Variants in SUGCT observed in about 807,000 individuals in gnomAD.
The protein encoded by SUGCT is succinyl-CoA:glutarate CoA-transferase.
SUGCT carries 41 observed loss-of-function variants against 55.0 expected under a neutral mutation model. The ratio of observed to expected loss-of-function variants is 0.74; its 90% CI spans 0.58 to 0.97. The LOEUF is 0.97. Among genes scored for constraint, SUGCT ranks in the 50% least tolerant of loss-of-function variants. The pLI is 0.00. For synonymous variants in SUGCT, 187 were observed against 200.4 expected (o/e 0.93, Z 0.56); for missense variants, 568 against 547.8 (o/e 1.04, Z -0.37).
chr7:40,255,660 CAAAAAAAAAA>C (rs70996898), intron 7 of SUGCT, among the ~76,000 whole-genome samples: 7 of 54,192 alleles, frequency 1.3e-4, no homozygotes, highest in Non-Finnish European at 1.8e-4. Context: ...GACTCTGTAT[CAAAAAAAAAA>C]AAAAAAAAAA....
At chr7:40,971,088 T>C in the SUGCT span, among the ~76,000 whole-genome samples, 37 of 152,254 alleles carry the variant, frequency 2.4e-4, no homozygotes, top group Middle Eastern at 3.4e-3. Context: ...CTGCAGGCTG[T>C]ATAAGCATAG....
At chr7:40,237,117 G>A (rs1437108728) in intron 6 of SUGCT, among the ~76,000 whole-genome samples, 1 of 151,398 alleles carries the variant, frequency 6.6e-6, no homozygotes, top group Non-Finnish European at 1.5e-5. Context: ...ACAGGCGTGA[G>A]CCACCGCACC....
At chr7:41,036,182 G>A in the SUGCT span, among the ~76,000 whole-genome samples, 1 of 152,162 alleles carries the variant, frequency 6.6e-6, no homozygotes, top group Admixed American at 6.5e-5. Context: ...GTGCAATAAT[G>A]AGTGGATGAG....
At chr7:40,466,875 T>C (rs1790138816) in intron 11 of SUGCT, among the ~76,000 whole-genome samples, 2 of 152,174 alleles carry the variant, frequency 1.3e-5, no homozygotes, top group African/African-American at 4.8e-5. Context: ...ATATCATACG[T>C]GTAAAAATAC....
intron 12 of SUGCT, among the ~76,000 whole-genome samples, chr7:40,745,015 C>T (rs1461834392): frequency 6.6e-6 from 1 of 152,194 alleles, no homozygotes; most frequent in Non-Finnish European, 1.5e-5. Context: ...TCTGTACCCT[C>T]TCTTCTAATT....
chr7:40,879,373 G>A, the SUGCT span, among the ~76,000 whole-genome samples: 6 of 152,186 alleles, frequency 3.9e-5, no homozygotes, highest in Admixed American at 6.5e-5. Flanking sequence ...TTTTCTAGAC[G>A]TATTCAGAAG....
At chr7:40,974,497 T>C in the SUGCT span, among the ~76,000 whole-genome samples, 1 of 152,300 alleles carries the variant, frequency 6.6e-6, no homozygotes, top group East Asian at 1.9e-4. Flanking sequence ...ACAAGAGCCC[T>C]CGGCAGAAAC....
At chr7:40,213,804 A>G (rs554932826) in intron 6 of SUGCT, among the ~76,000 whole-genome samples, 1 of 152,290 alleles carries the variant, frequency 6.6e-6, no homozygotes, top group East Asian at 1.9e-4. Context: ...TTTTGTTGCT[A>G]AAATTTCTCA....
In SUGCT at chr7:40,377,128, C is replaced by CTCTTTCTTTCTTTCTTTCTT. The variant is rs530455909; in HGVS notation, c.816+60327_816+60346dup. Among the ~76,000 whole-genome samples the CTCTTTCTTTCTTTCTTTCTT allele has an allele frequency of 3.2e-4, 2 of 6,326 alleles. 1 individual carries two copies. Among genetic ancestry groups the CTCTTTCTTTCTTTCTTTCTT allele is most frequent in the African/African-American group, 5.1e-4 (2 of 3,884 alleles). 4.2% of individuals were successfully genotyped at this position (6,326 alleles called of 152,430 possible). On this transcript the variant is annotated intron_variant, in intron 9 of 13. Transcript: ENST00000335693. ...CTTGGAAAGGAAATTTTCAGCCTTCCTCTTTCTTTCTTTCTTTCTTTCTTT... is the reference window on the plus strand; with the variant it reads ...CTTGGAAAGGAAATTTTCAGCCTTCCTCTTTCTTTCTTTCTTTCTTTCTTTCTTTCTTTCTTTCTTTCTTT...
chr7:40,235,483 C>T lies in SUGCT; in HGVS notation c.485-2152C>T, dbSNP rs113090555. ...GCTGGACTACGGGCATGCACCACCA[C>T]GCCTGGCTAATTTTTGTAATTTCAG... On this transcript the variant is annotated intron_variant, in intron 6 of 13. Transcript: ENST00000335693. Among the ~76,000 whole-genome samples, 533 of 152,220 alleles carry T rather than the reference C, an allele frequency of 3.5e-3. 5 individuals carry two copies. Among genetic ancestry groups the T allele is most frequent in the South Asian group, 0.02 (95 of 4,828 alleles).
At chr7:40,793,501 G>C (rs1790412681) in intron 13 of SUGCT, among the ~76,000 whole-genome samples, 1 of 151,986 alleles carries the variant, frequency 6.6e-6, no homozygotes, top group Non-Finnish European at 1.5e-5. Context: ...TTACTTCATA[G>C]GTAATCTTTT....
At position 40,496,328 on chromosome 7, in the gene SUGCT, G is replaced by A; in HGVS notation, c.1031G>A (p.Gly344Asp). Residue 344 changes from glycine to aspartate, a missense_variant, in exon 12 of 14, where the codon GGC (glycine) becomes GAC (aspartate). By Grantham distance (94) the Gly-to-Asp change is moderately conservative. Coordinates refer to ENST00000335693, the MANE Select transcript of SUGCT (RefSeq NM_001193313.2). The stretch of plus-strand genomic sequence containing the variant: ...AGCAAGTGGTTATATCTTTTTGAAG[G>A]CAGTGGAGTCCCGTATGGCCCAATC... ...LTSKWLYLFE[G>D]SGVPYGPINN... The A allele has an allele frequency of 6.2e-7, 1 of 1,613,194 alleles. No individual in the cohort carries two copies. Among genetic ancestry groups the A allele is most frequent in the Non-Finnish European group, 8.5e-7 (1 of 1,179,472 alleles).
intron 12 of SUGCT, among the ~76,000 whole-genome samples, chr7:40,681,222 T>C (rs546644596): frequency 8.0e-4 from 122 of 152,204 alleles, no homozygotes; most frequent in Non-Finnish European, 1.5e-3. Flanking sequence ...ATGAGTTTGG[T>C]TACCAGAAAA....
At chr7:40,434,336 A>C (rs575946997) in intron 9 of SUGCT, among the ~76,000 whole-genome samples, 2 of 152,144 alleles carry the variant, frequency 1.3e-5, no homozygotes, top group African/African-American at 4.8e-5. Context: ...GTTGAGGTAC[A>C]TTTGGAGACC....
chr7:40,804,349 TG>T (rs1790978889), intron 13 of SUGCT, among the ~76,000 whole-genome samples: 1 of 152,194 alleles, frequency 6.6e-6, no homozygotes, highest in Non-Finnish European at 1.5e-5. Flanking sequence ...GGCAGATACT[TG>T]GGACTTGTTA....
At chr7:40,746,223 T>C (rs1008070323) in intron 12 of SUGCT, among the ~76,000 whole-genome samples, 1 of 152,174 alleles carries the variant, frequency 6.6e-6, no homozygotes, top group African/African-American at 2.4e-5. Context: ...TCCTCTAATA[T>C]GTTACTAAGC....
chr7:40,865,877 T>C, the SUGCT span, among the ~76,000 whole-genome samples: 26 of 152,232 alleles, frequency 1.7e-4, no homozygotes, highest in African/African-American at 6.0e-4. Context: ...GATTCCATTC[T>C]CATGTTCCCT....
intron 13 of SUGCT, among the ~76,000 whole-genome samples, chr7:40,859,457 C>T (rs1036948248): frequency 2.0e-5 from 3 of 152,128 alleles, no homozygotes; most frequent in African/African-American, 7.2e-5. Flanking sequence ...AATCTATTTC[C>T]AACAGTTCTT....
chr7:40,495,097 A>G (rs1791896796), intron 11 of SUGCT, among the ~76,000 whole-genome samples: 1 of 151,914 alleles, frequency 6.6e-6, no homozygotes, highest in African/African-American at 2.4e-5. Flanking sequence ...TTTTTAGTAG[A>G]GACAGGGTTT....
Sources: gnomAD v4.1 joint callset for allele counts (sites outside exome capture counted in the v4.1 genomes callset) on GRCh38, gnomAD v4.1.1 for gene constraint, MANE v1.5 for transcripts, NCBI Gene and HGNC (gene_info 2026-07-23, HGNC 2026-07-21) for gene names.